Variants in EFCAB8 observed in about 807,000 individuals in gnomAD.
The protein encoded by EFCAB8 is EF-hand calcium-binding domain-containing protein 8.
In EFCAB8, 100 loss-of-function variants were observed where a neutral mutation model predicts 116.3. The ratio of observed to expected loss-of-function variants is 0.86; its 90% CI spans 0.73 to 1.02. EFCAB8 has a LOEUF of 1.02. Among genes scored for constraint, EFCAB8 ranks in the 50% least tolerant of loss-of-function variants. The pLI, the probability that EFCAB8 is intolerant of heterozygous loss-of-function variation, is 0.00. For missense variants in EFCAB8, 1,320 were observed against 1,416.9 expected, an observed-to-expected ratio of 0.93 and a Z score of 1.10; for synonymous variants, 558 against 567.9, an observed-to-expected ratio of 0.98 and a Z score of 0.25.
intron 26 of EFCAB8, 53 bp downstream of exon 26, chr20:32,960,214 C>T: frequency 6.7e-7 from 1 of 1,484,864 alleles, no homozygotes; most frequent in African/African-American, 1.4e-5. Context: ...GCCAGGGGAT[C>T]CCATGTCCAC....
In EFCAB8 at chr20:32,898,494, C is replaced by T. The variant is rs1160824414; in HGVS notation, c.959C>T (p.Ala320Val). ...CCACCATTGCTACTGTCTTCCCAGG[C>T]TCTCCATCCCAACTGGTGTGAGCAG... ...SALHRSYRLKALHPNWCEQVK... is the reference protein window; with the variant it reads ...SALHRSYRLKVLHPNWCEQVK... Residue 320 changes from alanine to valine, a missense_variant and splice_region_variant, in exon 11 of 27, where the codon GCT (alanine) becomes GTT (valine). Physicochemically the swap from Ala to Val is moderately conservative, Grantham distance 64. Coordinates refer to ENST00000400522, the MANE Select transcript of EFCAB8 (RefSeq NM_001143967.2). 1.4e-6 allele frequency: 1 copy of T among 717,530 alleles called. No homozygotes were observed. The allele number at this position is 717,530 out of a possible 1,614,324, so 44.4% of individuals were successfully genotyped here.
intron 23 of EFCAB8, among the ~76,000 whole-genome samples, 155 bp from the exon 24 acceptor site, chr20:32,958,266 G>A (rs748485441): frequency 2.0e-5 from 3 of 152,086 alleles, no homozygotes; most frequent in South Asian, 2.1e-4. Context: ...ACTCAGTGTC[G>A]TGCCTGGTGT....
At chr20:32,957,318 T>TA (rs1182001929) in intron 23 of EFCAB8, among the ~76,000 whole-genome samples, 202 of 143,434 alleles carry the variant, frequency 1.4e-3, no homozygotes, top group Middle Eastern at 3.6e-3. Flanking sequence ...AAAATAAAAT[T>TA]AAAAAAAAAA....
At chr20:32,954,527 G>C (rs1302851287) in intron 23 of EFCAB8, among the ~76,000 whole-genome samples, 1 of 152,052 alleles carries the variant, frequency 6.6e-6, no homozygotes, top group Admixed American at 6.6e-5. Context: ...CTTGATTCCT[G>C]TAGCTTTGTA....
intron 11 of EFCAB8, among the ~76,000 whole-genome samples, chr20:32,904,857 C>T (rs1986602482): frequency 6.6e-6 from 1 of 152,120 alleles, no homozygotes; most frequent in African/African-American, 2.4e-5. Flanking sequence ...GAACTCCTGA[C>T]CTCAGGTGAT....
chr20:32,884,984 G>A (rs1985536120), intron 5 of EFCAB8, among the ~76,000 whole-genome samples: 1 of 152,188 alleles, frequency 6.6e-6, no homozygotes, highest in Non-Finnish European at 1.5e-5. Flanking sequence ...TTGGCTGTAG[G>A]TTTGGTGTGT....
At chr20:32,935,192 C>CTTTTTTTTTTTTTT (rs753039647) in intron 22 of EFCAB8, among the ~76,000 whole-genome samples, 21 of 34,038 alleles carry the variant, frequency 6.2e-4, no homozygotes, top group African/African-American at 1.1e-3. Context: ...TTCTTTCTTT[C>CTTTTTTTTTTTTTT]TTTTTTTTTT....
intron 13 of EFCAB8, among the ~76,000 whole-genome samples, chr20:32,907,350 G>A (rs115075421): frequency 0.01 from 1,512 of 150,856 alleles, 22 homozygotes; most frequent in African/African-American, 0.033. Flanking sequence ...CATGGCAGCC[G>A]TTCCCCTGCG....
Position 32,867,150 on chromosome 20 carries a change from C to T in EFCAB8, c.43-432C>T, listed in dbSNP as rs139986616. 1.8e-3 allele frequency among the ~76,000 whole-genome samples: 276 copies of T among 152,276 alleles called. 1 individual carries two copies. Among genetic ancestry groups the T allele is most frequent in the African/African-American group, 6.1e-3 (254 of 41,566 alleles). On this transcript the variant is annotated intron_variant, in intron 2 of 26. Coordinates refer to ENST00000400522, the MANE Select transcript of EFCAB8 (RefSeq NM_001143967.2). ...GGTCAGGCTGGTCTCAAACTCCTGA[C>T]CTCAAATGATCCGCCCTCCTCGGCC... is the stretch of plus-strand genomic sequence containing the variant.
At chr20:32,957,667 C>T (rs985095675) in intron 23 of EFCAB8, among the ~76,000 whole-genome samples, 24 of 152,110 alleles carry the variant, frequency 1.6e-4, no homozygotes, top group African/African-American at 4.1e-4. Context: ...TGCATTCAGG[C>T]GAGACTTAAT....
intron 23 of EFCAB8, among the ~76,000 whole-genome samples, chr20:32,957,143 A>G (rs979219675): frequency 6.0e-5 from 9 of 150,954 alleles, no homozygotes; most frequent in African/African-American, 1.9e-4. Flanking sequence ...ATTCTTTTCC[A>G]CCATTTTATT....
In EFCAB8 at chr20:32,961,337, C is replaced by T. The variant is rs1466447722; in HGVS notation, c.3595C>T (p.Pro1199Ser). The T allele has an allele frequency of 6.7e-7, 1 of 1,483,662 alleles. No individual in the cohort carries two copies. The highest frequency in any genetic ancestry group is 1.4e-5 in the African/African-American group (1 of 70,580). 91.9% of individuals were successfully genotyped at this position (1,483,662 alleles called of 1,614,324 possible). Residue 1199 changes from proline (P) to serine (S), a missense_variant, in exon 27 of 27, where the codon CCA (proline) becomes TCA (serine). Pro to Ser is a moderately conservative substitution (Grantham distance 74, BLOSUM62 -1). Coordinates refer to ENST00000400522, the MANE Select transcript of EFCAB8 (RefSeq NM_001143967.2). ...CAGCACGCCTGCGGCCGCCTCCTCC[C>T]CATCTTCCTTGTTATCTGTCACTGC... ...TDSTPAAASS[P>S]SSLLSVTASA...
chr20:32,949,829 T>C (rs1988741839), intron 23 of EFCAB8, among the ~76,000 whole-genome samples: 1 of 152,142 alleles, frequency 6.6e-6, no homozygotes, highest in Non-Finnish European at 1.5e-5. Flanking sequence ...CAAAACCCCA[T>C]CTCTGCTAAA....
intron 5 of EFCAB8, among the ~76,000 whole-genome samples, chr20:32,882,233 T>C (rs1047156401): frequency 2.0e-5 from 3 of 152,040 alleles, no homozygotes; most frequent in Non-Finnish European, 4.4e-5. Flanking sequence ...GCAAATGCAA[T>C]TCAGCCCACT....
chr20:32,926,236 T>G (rs556666240), intron 20 of EFCAB8, among the ~76,000 whole-genome samples: 1 of 152,360 alleles, frequency 6.6e-6, no homozygotes, highest in African/African-American at 2.4e-5. Flanking sequence ...GTGAATCCTG[T>G]GCAGTTATGA....
Position 32,892,219 on chromosome 20 carries a change from T to C in EFCAB8, c.680T>C (p.Phe227Ser). Residue 227 changes from phenylalanine to serine, a missense_variant, in exon 8 of 27, where the codon TTT (phenylalanine) becomes TCT (serine). By Grantham distance (155) the Phe-to-Ser change is radical. Coordinates refer to ENST00000400522, the MANE Select transcript of EFCAB8 (RefSeq NM_001143967.2). Reference sequence around the variant, plus strand: ...CCTTCTGTCTTTCCCCCAGATTTCTTTGATATTAGTGACCACAAATGTGTC... The same window carrying C: ...CCTTCTGTCTTTCCCCCAGATTTCTCTGATATTAGTGACCACAAATGTGTC... The part of the protein sequence containing the change: ...VASTRQKIDF[F>S]DISDHKCVRA... 2 of 1,551,668 alleles carry C rather than the reference T, an allele frequency of 1.3e-6. No individual in the cohort carries two copies. The highest frequency in any genetic ancestry group is 1.2e-5 in the South Asian group (1 of 84,062).
intron 2 of EFCAB8, among the ~76,000 whole-genome samples, chr20:32,864,207 C>T (rs996235213): frequency 6.6e-6 from 1 of 151,706 alleles, no homozygotes; most frequent in African/African-American, 2.4e-5. Context: ...AAACTCCTGA[C>T]CTCATGATCT....
At chr20:32,923,821 C>T (rs1248233627) in intron 20 of EFCAB8, among the ~76,000 whole-genome samples, 1 of 152,158 alleles carries the variant, frequency 6.6e-6, no homozygotes, top group Non-Finnish European at 1.5e-5. Flanking sequence ...GGGTACACTG[C>T]ACAGAGTCTG....
intron 20 of EFCAB8, among the ~76,000 whole-genome samples, chr20:32,923,415 G>A (rs1254543018): frequency 6.6e-6 from 1 of 152,068 alleles, no homozygotes; most frequent in East Asian, 1.9e-4. Context: ...GAACCCGGGA[G>A]GCGGAGGTTG....
Sources: allele counts gnomAD v4.1 joint callset (sites outside exome capture counted in the v4.1 genomes callset), GRCh38; gene constraint gnomAD v4.1.1; transcripts MANE v1.5; gene names NCBI Gene and HGNC (gene_info 2026-07-23, HGNC 2026-07-21).